Variants in GFRA1 observed in about 807,000 individuals in gnomAD.
GFRA1 encodes the protein GDNF family receptor alpha 1.
Under a neutral mutation model 51.6 loss-of-function variants are expected in GFRA1, and 16 were observed. The ratio of observed to expected loss-of-function variants is 0.31; its 90% CI spans 0.21 to 0.47. GFRA1 has a LOEUF of 0.47. Ranked by LOEUF, GFRA1 falls within the 20% of genes least tolerant of loss-of-function variation. The pLI is 1.00. For synonymous variants in GFRA1, 270 were observed against 241.3 expected (o/e 1.12, Z -1.10); for missense variants, 530 against 594.3 (o/e 0.89, Z 1.13).
chr10:116,144,384 C>T (rs1589822029), intron 5 of GFRA1, among the ~76,000 whole-genome samples: 1 of 151,956 alleles, frequency 6.6e-6, no homozygotes, highest in South Asian at 2.1e-4. Context: ...CATTCAAATT[C>T]AATTCAAGCT....
chr10:116,130,324 T>C (rs764421906), intron 5 of GFRA1, among the ~76,000 whole-genome samples: 2 of 152,052 alleles, frequency 1.3e-5, no homozygotes, highest in Non-Finnish European at 2.9e-5. Flanking sequence ...AGAAGGTATA[T>C]ACTAGGCCAA....
At position 116,272,059 on chromosome 10, in the gene GFRA1, C is replaced by A. The variant is rs376620181; in HGVS notation, c.-30G>T. 9 of 1,545,910 alleles carry A rather than the reference C, an allele frequency of 5.8e-6. No individual in the cohort carries two copies. The highest frequency in any genetic ancestry group is 1.4e-5 in the African/African-American group (1 of 73,030). ...CCGGCGCGGGGCTGGTCCCCGCCCC[C>A]CCAAAAAAATCCCGAGCCGCCGCTG... is the stretch of plus-strand genomic sequence containing the variant. On this transcript the variant is annotated 5_prime_UTR_variant, in exon 2 of 11. Transcript: ENST00000355422. The surrounding 1 kb of genome is among the most constrained non-coding windows in gnomAD (Gnocchi z 4.4).
chr10:116,093,931 G>T, intron 7 of GFRA1, 95 bp from the exon 8 acceptor site: 1 of 1,181,646 alleles, frequency 8.5e-7, no homozygotes, highest in Non-Finnish European at 1.3e-6. Context: ...CGGATGCACC[G>T]TGGATAATTA....
At chr10:116,223,188 G>A (rs915780627) in intron 4 of GFRA1, among the ~76,000 whole-genome samples, 2 of 152,036 alleles carry the variant, frequency 1.3e-5, no homozygotes, top group African/African-American at 2.4e-5. Context: ...CCCCCAGCAC[G>A]GAATGACATC....
intron 5 of GFRA1, among the ~76,000 whole-genome samples, chr10:116,182,277 G>A (rs1433852812): frequency 6.6e-6 from 1 of 152,088 alleles, no homozygotes; most frequent in African/African-American, 2.4e-5. Flanking sequence ...AACAATAATA[G>A]TAATTAATAC....
intron 2 of GFRA1, among the ~76,000 whole-genome samples, chr10:116,271,442 G>T (rs1691851560): frequency 6.6e-6 from 1 of 152,022 alleles, no homozygotes; most frequent in Non-Finnish European, 1.5e-5. Flanking sequence ...AACGACCCGG[G>T]CTCCCGGGCC....
At chr10:116,155,825 T>A (rs1364627334) in intron 5 of GFRA1, among the ~76,000 whole-genome samples, 1 of 152,102 alleles carries the variant, frequency 6.6e-6, no homozygotes, top group Non-Finnish European at 1.5e-5. Flanking sequence ...ACATAGATGT[T>A]TATGGGCTTG....
At chr10:116,064,602 T>A in intron 10 of GFRA1, 58 bp from the exon 11 acceptor site, 2 of 1,475,274 alleles carry the variant, frequency 1.4e-6, no homozygotes, top group South Asian at 2.3e-5. Context: ...TACCACAGTA[T>A]ACTTTACACT....
intron 4 of GFRA1, among the ~76,000 whole-genome samples, chr10:116,268,961 G>A (rs1235497500): frequency 6.6e-6 from 1 of 152,168 alleles, no homozygotes; most frequent in Non-Finnish European, 1.5e-5. Flanking sequence ...TCTCATAAAT[G>A]CACACACTTG....
intron 5 of GFRA1, among the ~76,000 whole-genome samples, chr10:116,191,206 T>C (rs1963229424): frequency 6.6e-6 from 1 of 152,232 alleles, no homozygotes; most frequent in Non-Finnish European, 1.5e-5. Context: ...CCCACAGTAC[T>C]AGTTATGCTA....
rs556080950 is a variant in GFRA1 at position 116,084,451 on chromosome 10, T to G, written c.1197+5290A>C. 3.9e-5 allele frequency among the ~76,000 whole-genome samples: 6 copies of G among 152,288 alleles called. No individual in the cohort carries two copies. In the South Asian group the frequency reaches 1.2e-3, roughly 32 times the overall value. ...GTGGCTTGTGCTGTTTACTGGAGCC[T>G]GTGCCAACTGCCCACAGCTATCCTC... On this transcript the variant is annotated intron_variant, in intron 9 of 10. Coordinates refer to ENST00000355422, the MANE Select transcript of GFRA1 (RefSeq NM_005264.8).
chr10:116,065,676 T>C, intron 9 of GFRA1, 50 bp from the exon 10 acceptor site: 1 of 1,429,894 alleles, frequency 7.0e-7, no homozygotes, highest in Non-Finnish European at 9.8e-7. Context: ...AGAAGAGTAA[T>C]TACTGATGAT....
chr10:116,262,771 A>C (rs935753526), intron 4 of GFRA1, among the ~76,000 whole-genome samples: 14 of 152,188 alleles, frequency 9.2e-5, no homozygotes, highest in Non-Finnish European at 1.6e-4. Context: ...TACTTAGCAA[A>C]GCCTTTGCAG....
intron 5 of GFRA1, among the ~76,000 whole-genome samples, chr10:116,127,590 T>C (rs1027872854): frequency 1.3e-5 from 2 of 152,204 alleles, no homozygotes; most frequent in Non-Finnish European, 2.9e-5. Flanking sequence ...CAAGCACACC[T>C]GGTACTGTTT....
At chr10:116,093,254 G>A (rs1403869910) in intron 8 of GFRA1, among the ~76,000 whole-genome samples, 2 of 152,152 alleles carry the variant, frequency 1.3e-5, no homozygotes, top group African/African-American at 4.8e-5. Context: ...GAGAGTCCTT[G>A]GAGGCCTATC....
rs1396281486 is a variant in GFRA1, at chr10:116,234,695, G to C, written c.419-23050C>G. Among the ~76,000 whole-genome samples, 12 of 152,282 alleles carry C rather than the reference G, an allele frequency of 7.9e-5. No homozygotes were observed. The South Asian group carries it at 1.9e-3, about 24-fold the overall frequency. ...GGCTACTGGACAGAGCTCTGGGGTG[G>C]AACATAGACCTGTGCCACTAATCTG... On this transcript the variant is annotated intron_variant, in intron 4 of 10. Transcript: ENST00000355422.
intron 4 of GFRA1, among the ~76,000 whole-genome samples, chr10:116,250,246 T>A (rs1296290926): frequency 6.6e-6 from 1 of 152,154 alleles, no homozygotes; most frequent in Admixed American, 6.5e-5. Flanking sequence ...TGAACCTTCA[T>A]CTCCTGGGGC....
At chr10:116,096,883 A>G (rs868296305) in intron 6 of GFRA1, 119 bp from the exon 7 acceptor site, 19 of 345,938 alleles carry the variant, frequency 5.5e-5, no homozygotes, top group Middle Eastern at 9.4e-4. Flanking sequence ...ACGCACACGC[A>G]CACACACACA....
chr10:116,229,972 G>T (rs1236891107), intron 4 of GFRA1, among the ~76,000 whole-genome samples: 2 of 152,156 alleles, frequency 1.3e-5, no homozygotes, highest in African/African-American at 4.8e-5. Context: ...GTTTCCCTGG[G>T]TTGTTACCTG....
Sources: gnomAD v4.1 joint callset for allele counts (sites outside exome capture counted in the v4.1 genomes callset) on GRCh38, gnomAD v4.1.1 for gene constraint, Gnocchi (gnomAD v3.1) non-coding constraint, MANE v1.5 for transcripts, NCBI Gene and HGNC (gene_info 2026-07-23, HGNC 2026-07-21) for gene names.